NAV3: variants seen among roughly 807,000 people sequenced by gnomAD.
NAV3 encodes the protein pore membrane and/or filament interacting like protein 1.
In NAV3, 87 loss-of-function variants were observed where a neutral mutation model predicts 244.7. The ratio of observed to expected loss-of-function variants is 0.36; its 90% CI spans 0.30 to 0.42. NAV3 has a LOEUF of 0.42. Among genes scored for constraint, NAV3 ranks in the 20% least tolerant of loss-of-function variants. NAV3 has a pLI of 1.00. For missense variants in NAV3, 2,663 were observed against 2,893.3 expected (o/e 0.92, Z 1.83); for synonymous variants, 1,126 against 1,042.2 (o/e 1.08, Z -1.55).
intron 39 of NAV3, among the ~76,000 whole-genome samples, chr12:78,205,372 A>C (rs555739934): frequency 1.3e-5 from 2 of 152,184 alleles, no homozygotes; most frequent in African/African-American, 4.8e-5. Flanking sequence ...CTAGACTATA[A>C]TGTTTCTCTT....
At chr12:78,044,565 A>G (rs1018437274) in intron 9 of NAV3, among the ~76,000 whole-genome samples, 4 of 152,190 alleles carry the variant, frequency 2.6e-5, no homozygotes, top group African/African-American at 9.7e-5. Context: ...ATCCATGAGC[A>G]TGGAATGTTT....
intron 2 of NAV3, among the ~76,000 whole-genome samples, chr12:77,717,753 A>G (rs1026771401): frequency 5.3e-5 from 8 of 152,056 alleles, no homozygotes; most frequent in African/African-American, 1.9e-4. Context: ...ATCCTTACCA[A>G]TAAGTGTTAT....
chr12:77,677,229 T>C (rs1424664086), intron 2 of NAV3, among the ~76,000 whole-genome samples: 1 of 152,254 alleles, frequency 6.6e-6, no homozygotes. Flanking sequence ...CAGCCTATAA[T>C]ATGAAATACT....
intron 9 of NAV3, among the ~76,000 whole-genome samples, chr12:78,032,841 G>A (rs1200907240): frequency 5.9e-5 from 9 of 152,068 alleles, no homozygotes; most frequent in Non-Finnish European, 1.5e-5. Context: ...AATGTAAAGC[G>A]AGCCCAAATT....
intron 2 of NAV3, among the ~76,000 whole-genome samples, chr12:77,824,622 G>A (rs1872891497): frequency 6.6e-6 from 1 of 152,044 alleles, no homozygotes; most frequent in Admixed American, 6.6e-5. Flanking sequence ...GCCAGGTGCA[G>A]TGGCTAACAC....
At chr12:78,185,547 A>G (rs1958675378) in intron 30 of NAV3, 54 bp from the exon 31 acceptor site, 1 of 1,463,944 alleles carries the variant, frequency 6.8e-7, no homozygotes, top group Non-Finnish European at 9.5e-7. Flanking sequence ...GACAGTAAAC[A>G]AATCTGAGCT....
chr12:78,149,511 T>A (rs1435130245), intron 22 of NAV3, among the ~76,000 whole-genome samples: 1 of 152,010 alleles, frequency 6.6e-6, no homozygotes, highest in East Asian at 1.9e-4. Context: ...TCAATTAAAT[T>A]AACATTTACT....
intron 1 of NAV3, among the ~76,000 whole-genome samples, chr12:77,854,090 C>G (rs565804190): frequency 6.6e-6 from 1 of 152,280 alleles, no homozygotes; most frequent in East Asian, 1.9e-4. Context: ...AGGCTTTCAA[C>G]TATTCCACAC....
intron 1 of NAV3, among the ~76,000 whole-genome samples, chr12:77,833,956 T>C (rs1414650642): frequency 6.6e-6 from 1 of 150,930 alleles, no homozygotes; most frequent in South Asian, 2.1e-4. Flanking sequence ...TCTGCTGGTG[T>C]GTTCCTTTCG....
At chr12:77,684,998 G>T (rs1050146830) in intron 2 of NAV3, among the ~76,000 whole-genome samples, 1 of 152,032 alleles carries the variant, frequency 6.6e-6, no homozygotes, top group African/African-American at 2.4e-5. Context: ...GTCTATTCAT[G>T]TATCCTAATA....
chr12:78,159,478 A>T (rs548624470), intron 23 of NAV3, among the ~76,000 whole-genome samples, 192 bp downstream of exon 23: 1 of 152,006 alleles, frequency 6.6e-6, no homozygotes, highest in Non-Finnish European at 1.5e-5. Context: ...AGCCTGGCCA[A>T]CGTGGTAAAA....
At chr12:77,915,984 G>C (rs1383162867) in intron 1 of NAV3, among the ~76,000 whole-genome samples, 1 of 152,014 alleles carries the variant, frequency 6.6e-6, no homozygotes, top group African/African-American at 2.4e-5. Flanking sequence ...ATAAGCACTT[G>C]AAGAAAATAA....
chr12:77,918,032 G>A (rs1887331201), intron 1 of NAV3, among the ~76,000 whole-genome samples: 2 of 152,126 alleles, frequency 1.3e-5, no homozygotes, highest in South Asian at 2.1e-4. Flanking sequence ...CAGCAGTAGT[G>A]TCAACAAATT....
chr12:77,774,968 T>C (rs1592670882), intron 2 of NAV3, among the ~76,000 whole-genome samples: 1 of 152,200 alleles, frequency 6.6e-6, no homozygotes. Flanking sequence ...TGCCTGGTCA[T>C]AGTATGAGGA....
chr12:77,980,341 G>C (rs1869341414), intron 5 of NAV3, among the ~76,000 whole-genome samples: 1 of 152,124 alleles, frequency 6.6e-6, no homozygotes, highest in Non-Finnish European at 1.5e-5. Flanking sequence ...GCATTAAATG[G>C]AGAGCAGCCC....
intron 2 of NAV3, among the ~76,000 whole-genome samples, chr12:77,674,733 G>A (rs1292703478): frequency 6.6e-6 from 1 of 152,154 alleles, no homozygotes; most frequent in African/African-American, 2.4e-5. Context: ...AGTTGCACAT[G>A]CATTTATATC....
chr12:77,826,844 T>C (rs1873053747), upstream of NAV3, among the ~76,000 whole-genome samples: 1 of 152,314 alleles, frequency 6.6e-6, no homozygotes, highest in East Asian at 1.9e-4. Context: ...ATCTTGATAG[T>C]GGTACTGGCC....
intron 2 of NAV3, among the ~76,000 whole-genome samples, chr12:77,644,191 C>G (rs1039007732): frequency 2.2e-4 from 33 of 152,062 alleles, no homozygotes; most frequent in African/African-American, 7.7e-4. Context: ...TGAGGTCGAA[C>G]AGAGGTCCCC....
At chr12:78,025,595 CAAAAAAA>C (rs1186694789) in intron 9 of NAV3, among the ~76,000 whole-genome samples, 4,317 of 55,246 alleles carry the variant, frequency 0.078, 212 homozygotes, top group African/African-American at 0.3. Context: ...GACTCCATCT[CAAAAAAA>C]AAAAAAAAAA....
Sources: gnomAD v4.1 joint callset for allele counts (sites outside exome capture counted in the v4.1 genomes callset) on GRCh38, gnomAD v4.1.1 for gene constraint, MANE v1.5 for transcripts, NCBI Gene and HGNC (gene_info 2026-07-23, HGNC 2026-07-21) for gene names.